FAF1: variants seen among roughly 807,000 people sequenced by gnomAD.
FAF1 encodes FAS-associated factor 1.
In FAF1, 25 loss-of-function variants were observed where a neutral mutation model predicts 92.5. The observed-to-expected ratio is 0.27, with a 90% CI of 0.20 to 0.38. The LOEUF (loss-of-function observed/expected upper bound fraction) is 0.38. FAF1 is among the 10% of genes least tolerant of loss of function. FAF1 has a pLI of 1.00. For missense variants in FAF1, 636 were observed against 793.3 expected, an observed-to-expected ratio of 0.80 and a Z score of 2.38; for synonymous variants, 234 against 273.2, an observed-to-expected ratio of 0.86 and a Z score of 1.42.
intron 1 of FAF1, among the ~76,000 whole-genome samples, chr1:50,863,992 G>C (rs933551561): frequency 2.0e-5 from 3 of 151,930 alleles, no homozygotes; most frequent in Admixed American, 1.3e-4. Flanking sequence ...TATTTGCGTA[G>C]AGGTGTTTGT....
intron 13 of FAF1, among the ~76,000 whole-genome samples, chr1:50,539,989 T>G (rs1648684800): frequency 6.6e-6 from 1 of 152,090 alleles, no homozygotes; most frequent in Non-Finnish European, 1.5e-5. Flanking sequence ...TCTTTTTTTT[T>G]GAGACAGAGT....
intron 1 of FAF1, among the ~76,000 whole-genome samples, chr1:50,872,669 G>C (rs1411560873): frequency 6.6e-6 from 1 of 152,158 alleles, no homozygotes; most frequent in Non-Finnish European, 1.5e-5. Flanking sequence ...GGCCGAGGCA[G>C]GCAGAACACC....
Position 50,439,673 on chromosome 1 carries a change from C to T in FAF1, c.*1767G>A, listed in dbSNP as rs889370951. 6.6e-6 allele frequency: 1 copy of T among 152,068 alleles called. No individual in the cohort carries two copies. Among genetic ancestry groups the T allele is most frequent in the Non-Finnish European group, 1.5e-5 (1 of 68,016 alleles). The allele number at this position is 152,068 out of a possible 1,614,324, so 9.4% of individuals were successfully genotyped here. On this transcript the variant is annotated 3_prime_UTR_variant, in exon 19 of 19. Transcript: ENST00000396153. Reference sequence around the variant, plus strand: ...GTTCAGGGCTGCAGCTTCTTCACAGCAGCTACAGAACAAGGTCTACCTAGA... The same window carrying T: ...GTTCAGGGCTGCAGCTTCTTCACAGTAGCTACAGAACAAGGTCTACCTAGA...
intron 1 of FAF1, among the ~76,000 whole-genome samples, chr1:50,861,181 A>C (rs1644429172): frequency 6.6e-6 from 1 of 151,830 alleles, no homozygotes; most frequent in Admixed American, 6.6e-5. Context: ...CTAGGTAATA[A>C]ACTTCTATCT....
At chr1:50,892,925 G>C (rs1644731058) in intron 1 of FAF1, among the ~76,000 whole-genome samples, 1 of 151,944 alleles carries the variant, frequency 6.6e-6, no homozygotes, top group Non-Finnish European at 1.5e-5. Context: ...TTTTAAGCAG[G>C]TTGTCTTCAC....
Position 50,617,349 on chromosome 1 carries a change from A to C in FAF1, c.745-21133T>G, listed in dbSNP as rs554752016. On this transcript the variant is annotated intron_variant, in intron 8 of 18. Transcript: ENST00000396153. Reference sequence around the variant, plus strand: ...AATGCCTCATCTGTTGAGGGTTTTTATCAAGAAGTGATGTTCAGATTTTAT... The same window carrying C: ...AATGCCTCATCTGTTGAGGGTTTTTCTCAAGAAGTGATGTTCAGATTTTAT... Among the ~76,000 whole-genome samples the C allele has an allele frequency of 5.3e-5, 8 of 152,282 alleles. No homozygotes were observed. In the South Asian group the frequency reaches 1.0e-3, roughly 20 times the overall value.
rs147035246 is a variant in FAF1 at position 50,455,981 on chromosome 1, A to C, written c.1870-14458T>G. 4.1e-3 allele frequency among the ~76,000 whole-genome samples: 620 copies of C among 152,206 alleles called. 9 individuals are homozygous for C. Among genetic ancestry groups the C allele is most frequent in the African/African-American group, 0.014 (573 of 41,544 alleles). On this transcript the variant is annotated intron_variant, in intron 18 of 18. Transcript: ENST00000396153. ...TCCCAGCTACTCAGGAGGCTGAGGC[A>C]GGAGAATCGCTTGAGCCTGGGAGGC...
At chr1:50,759,032 C>T (rs879682952) in intron 4 of FAF1, among the ~76,000 whole-genome samples, 1 of 151,914 alleles carries the variant, frequency 6.6e-6, no homozygotes, top group African/African-American at 2.4e-5. Flanking sequence ...TTAGTAGAGA[C>T]GGGGTTTCAC....
intron 6 of FAF1, among the ~76,000 whole-genome samples, chr1:50,732,965 T>C (rs147740076): frequency 0.011 from 1,646 of 152,264 alleles, 22 homozygotes; most frequent in Non-Finnish European, 0.013. Flanking sequence ...AAATACAGAC[T>C]AAAGTTAATC....
At chr1:50,662,508 C>T (rs1655421976) in intron 7 of FAF1, among the ~76,000 whole-genome samples, 1 of 151,950 alleles carries the variant, frequency 6.6e-6, no homozygotes, top group African/African-American at 2.4e-5. Context: ...CGGATTTTGG[C>T]CATCCTGAAA....
intron 18 of FAF1, among the ~76,000 whole-genome samples, chr1:50,472,198 G>A (rs765092233): frequency 5.9e-5 from 9 of 152,046 alleles, no homozygotes; most frequent in South Asian, 2.1e-4. Flanking sequence ...TGGGGTGAGT[G>A]TCATTACTCA....
intron 17 of FAF1, among the ~76,000 whole-genome samples, chr1:50,476,250 G>C (rs1646638367): frequency 6.6e-6 from 1 of 152,136 alleles, no homozygotes; most frequent in South Asian, 2.1e-4. Context: ...CTTAAGAATG[G>C]CAAGTTACTG....
At chr1:50,647,658 A>G (rs1316374830) in intron 8 of FAF1, among the ~76,000 whole-genome samples, 1 of 152,228 alleles carries the variant, frequency 6.6e-6, no homozygotes, top group Non-Finnish European at 1.5e-5. Flanking sequence ...TTTCTAGTAC[A>G]TACTACTTCA....
intron 18 of FAF1, among the ~76,000 whole-genome samples, chr1:50,447,034 T>A (rs1231987976): frequency 6.7e-6 from 1 of 149,210 alleles, no homozygotes; most frequent in East Asian, 1.9e-4. Context: ...AAGGGTTCTC[T>A]CTCATTCCAT....
chr1:50,750,656 C>T (rs1659825372), intron 4 of FAF1, among the ~76,000 whole-genome samples: 1 of 141,968 alleles, frequency 7.0e-6, no homozygotes, highest in Non-Finnish European at 1.5e-5. Flanking sequence ...AACAGTATCT[C>T]TCTGTTGCCC....
chr1:50,602,742 T>A (rs1160931391), intron 8 of FAF1, among the ~76,000 whole-genome samples: 1 of 152,106 alleles, frequency 6.6e-6, no homozygotes, highest in East Asian at 1.9e-4. Context: ...CCTCAAGTGA[T>A]CTGCCCGCCT....
At chr1:50,864,842 G>A (rs1271822634) in intron 1 of FAF1, among the ~76,000 whole-genome samples, 1 of 152,040 alleles carries the variant, frequency 6.6e-6, no homozygotes, top group Non-Finnish European at 1.5e-5. Flanking sequence ...TGACAAATGG[G>A]ATCTAATTAA....
intron 8 of FAF1, among the ~76,000 whole-genome samples, chr1:50,632,849 C>T (rs1653851458): frequency 6.6e-6 from 1 of 152,134 alleles, no homozygotes; most frequent in South Asian, 2.1e-4. Flanking sequence ...GTATTGGCTT[C>T]TTATGACCTC....
chr1:50,798,520 T>C (rs1288406941), intron 3 of FAF1, among the ~76,000 whole-genome samples: 1 of 152,222 alleles, frequency 6.6e-6, no homozygotes, highest in African/African-American at 2.4e-5. Context: ...ATAAATAATA[T>C]ACTGGACCAT....
Sources: allele counts gnomAD v4.1 joint callset (sites outside exome capture counted in the v4.1 genomes callset), GRCh38; gene constraint gnomAD v4.1.1; transcripts MANE v1.5; gene names NCBI Gene and HGNC (gene_info 2026-07-23, HGNC 2026-07-21).